SLC30A7: variants seen among roughly 807,000 people sequenced by gnomAD.
SLC30A7 encodes the protein zinc transporter 7.
In SLC30A7, 35 loss-of-function variants were observed where a neutral mutation model predicts 46.0. The observed-to-expected ratio is 0.76, with a 90% CI of 0.58 to 1.01. The LOEUF (loss-of-function observed/expected upper bound fraction) is 1.01. Among genes scored for constraint, SLC30A7 ranks in the 50% least tolerant of loss-of-function variants. The pLI is 0.00. For missense variants in SLC30A7, 464 were observed against 451.1 expected, an observed-to-expected ratio of 1.03 and a Z score of -0.26; for synonymous variants, 147 against 157.8, an observed-to-expected ratio of 0.93 and a Z score of 0.51.
the SLC30A7 span, among the ~76,000 whole-genome samples, chr1:100,988,901 C>CAT: frequency 5.3e-5 from 8 of 151,654 alleles, no homozygotes; most frequent in African/African-American, 1.9e-4. Flanking sequence ...AGAGATGTTT[C>CAT]ATATATATAT....
At chr1:100,965,662 T>A (rs924448033) in intron 9 of SLC30A7, 107 bp from the exon 10 acceptor site, 17 of 921,756 alleles carry the variant, frequency 1.8e-5, no homozygotes, top group Non-Finnish European at 2.9e-5. Context: ...TTCCTTTTTT[T>A]AAAATGGACG....
rs1282842513 is a variant in SLC30A7 at position 100,923,102 on chromosome 1, G to A, written c.842+1261G>A. ...GCAATCTCGGCTCACTGCAGGCTCC[G>A]CCCCCTGGGGTTCACGCCATTCTCC... is the stretch of plus-strand genomic sequence containing the variant. On this transcript the variant is annotated intron_variant, in intron 8 of 10. Coordinates refer to ENST00000357650, the MANE Select transcript of SLC30A7 (RefSeq NM_133496.5). Among the ~76,000 whole-genome samples the A allele has an allele frequency of 3.2e-4, 29 of 90,286 alleles. 1 individual carries two copies. The highest frequency in any genetic ancestry group is 5.6e-4 in the Non-Finnish European group (25 of 44,686). The allele number at this position is 90,286 out of a possible 152,430, so 59.2% of individuals were successfully genotyped here.
chr1:100,900,030 C>G (rs939560980), intron 2 of SLC30A7, among the ~76,000 whole-genome samples: 1 of 149,966 alleles, frequency 6.7e-6, no homozygotes, highest in South Asian at 2.1e-4. Flanking sequence ...GAGAGAGAGA[C>G]AAACTAACCT....
chr1:100,955,402 T>G (rs1389388342), intron 8 of SLC30A7, among the ~76,000 whole-genome samples: 1 of 152,134 alleles, frequency 6.6e-6, no homozygotes, highest in East Asian at 1.9e-4. Context: ...ATTATAACTG[T>G]GATTTACCTT....
At chr1:100,899,133 A>G (rs906611126) in intron 2 of SLC30A7, among the ~76,000 whole-genome samples, 75 of 152,184 alleles carry the variant, frequency 4.9e-4, no homozygotes, top group African/African-American at 1.7e-3. Context: ...TTTCCCCTCA[A>G]TAAATATCTG....
At chr1:100,964,804 A>G (rs1230053577) in intron 9 of SLC30A7, among the ~76,000 whole-genome samples, 3 of 152,154 alleles carry the variant, frequency 2.0e-5, no homozygotes, top group Non-Finnish European at 4.4e-5. Flanking sequence ...ATGTAGAAAG[A>G]GTGGAGGGAT....
downstream of SLC30A7, among the ~76,000 whole-genome samples, chr1:100,984,385 G>C (rs1247077054): frequency 2.0e-5 from 3 of 152,150 alleles, no homozygotes; most frequent in African/African-American, 7.2e-5. Flanking sequence ...GAGAGATTAT[G>C]GAGTGGGAGG....
the SLC30A7 span, chr1:100,992,643 C>T: frequency 6.2e-7 from 1 of 1,613,460 alleles, no homozygotes; most frequent in Non-Finnish European, 8.5e-7. Flanking sequence ...GTACCTGGTT[C>T]TTCTCCTCGT....
chr1:100,913,891 A>G, intron 6 of SLC30A7, 85 bp downstream of exon 6: 6 of 1,527,582 alleles, frequency 3.9e-6, no homozygotes, highest in South Asian at 1.3e-5. Context: ...ATAGTTTATT[A>G]AAAAGATACC....
At chr1:100,951,611 G>T (rs1654957192) in intron 8 of SLC30A7, among the ~76,000 whole-genome samples, 1 of 152,164 alleles carries the variant, frequency 6.6e-6, no homozygotes, top group South Asian at 2.1e-4. Flanking sequence ...CCAGGCTCGT[G>T]GTAACTGCTG....
chr1:100,991,788 CAA>C, the SLC30A7 span, among the ~76,000 whole-genome samples: 20 of 100,978 alleles, frequency 2.0e-4, no homozygotes, highest in Admixed American at 3.2e-4. Flanking sequence ...GACCCCATCT[CAA>C]AAAAAAAAAA....
the SLC30A7 span, among the ~76,000 whole-genome samples, chr1:100,990,964 C>T: frequency 1.3e-5 from 2 of 152,170 alleles, no homozygotes; most frequent in African/African-American, 2.4e-5. Context: ...TTATTACACA[C>T]AGGTTTTTAA....
chr1:100,974,293 G>T (rs990377595), intron 10 of SLC30A7, among the ~76,000 whole-genome samples: 3 of 152,188 alleles, frequency 2.0e-5, no homozygotes, highest in Non-Finnish European at 4.4e-5. Flanking sequence ...AAGTGATCTA[G>T]TTGAGAGGAA....
chr1:100,922,678 G>A (rs1653023271), intron 8 of SLC30A7, among the ~76,000 whole-genome samples: 1 of 151,954 alleles, frequency 6.6e-6, no homozygotes, highest in African/African-American at 2.4e-5. Flanking sequence ...CCTACTACAG[G>A]GACAATGTAT....
intron 2 of SLC30A7, among the ~76,000 whole-genome samples, chr1:100,902,350 C>A (rs1416387004): frequency 6.6e-6 from 1 of 152,052 alleles, no homozygotes; most frequent in African/African-American, 2.4e-5. Context: ...TATATCCACA[C>A]CTCTTTAAAA....
At chr1:100,981,934 T>C (rs1385670075), downstream of SLC30A7, among the ~76,000 whole-genome samples, 2 of 152,206 alleles carry the variant, frequency 1.3e-5, no homozygotes, top group Non-Finnish European at 2.9e-5. Context: ...TATCTTTACA[T>C]TGTGAACAGC....
intron 4 of SLC30A7, among the ~76,000 whole-genome samples, chr1:100,911,472 C>T (rs1207367126): frequency 6.6e-6 from 1 of 152,088 alleles, no homozygotes; most frequent in Non-Finnish European, 1.5e-5. Flanking sequence ...CAATCTTTAA[C>T]ATTTGGCGTA....
At chr1:100,906,736 T>C in intron 2 of SLC30A7, 116 bp from the exon 3 acceptor site, 1 of 675,848 alleles carries the variant, frequency 1.5e-6, no homozygotes, top group Non-Finnish European at 2.6e-6. Context: ...CATATTTAAA[T>C]TGTTGTTTTA....
intron 8 of SLC30A7, among the ~76,000 whole-genome samples, chr1:100,948,688 C>T (rs1463644461): frequency 6.6e-6 from 1 of 152,178 alleles, no homozygotes; most frequent in South Asian, 2.1e-4. Context: ...ACTAGTCAAA[C>T]GTAGATTTAG....
Sources: allele counts gnomAD v4.1 joint callset (sites outside exome capture counted in the v4.1 genomes callset), GRCh38; gene constraint gnomAD v4.1.1; transcripts MANE v1.5; gene names NCBI Gene and HGNC (gene_info 2026-07-23, HGNC 2026-07-21).